The following SEC23A variants were observed in gnomAD, a reference collection of about 807,000 sequenced individuals.
The protein encoded by SEC23A is protein transport protein Sec23A.
SEC23A carries 56 observed loss-of-function variants against 103.7 expected under a neutral mutation model. The observed-to-expected ratio is 0.54, with a 90% CI of 0.44 to 0.67. The LOEUF (loss-of-function observed/expected upper bound fraction) is 0.67, where lower values mean the gene tolerates loss of function less well. Ranked by LOEUF, SEC23A falls within the 30% of genes least tolerant of loss-of-function variation. The probability of loss-of-function intolerance (pLI) is 0.00; values close to 1 mark genes in which losing one functional copy is unlikely to be tolerated. For synonymous variants in SEC23A, 281 were observed against 293.0 expected, an observed-to-expected ratio of 0.96 and a Z score of 0.42; for missense variants, 784 against 936.4, an observed-to-expected ratio of 0.84 and a Z score of 2.12.
chr14:39,063,433 C>G lies in SEC23A; in HGVS notation c.1309-20G>C. The G allele has an allele frequency of 6.9e-7, 1 of 1,455,662 alleles. No individual in the cohort carries two copies. The highest frequency in any genetic ancestry group is 1.1e-5 in the South Asian group (1 of 87,056). The allele number at this position is 1,455,662 out of a possible 1,614,324, so 90.2% of individuals were successfully genotyped here. A position where few individuals can be genotyped will look rare whatever the true frequency, so the allele number is the denominator to read the frequency against. The stretch of plus-strand genomic sequence containing the variant: ...TATCTCCTGTAAAAATAAAATATAG[C>G]ATGTTTGAAAGCTAGAGACACAATT... On this transcript the variant is annotated intron_variant, in intron 11 of 19. Coordinates refer to ENST00000307712, the MANE Select transcript of SEC23A (RefSeq NM_006364.4).
chr14:39,093,531 C>T (rs529715852), intron 2 of SEC23A, among the ~76,000 whole-genome samples: 27 of 152,170 alleles, frequency 1.8e-4, no homozygotes, highest in Non-Finnish European at 3.1e-4. Flanking sequence ...AGGCCTGAGG[C>T]GGCAGATGGC....
chr14:39,066,279 A>G (rs1003988776), intron 10 of SEC23A, among the ~76,000 whole-genome samples: 2 of 152,120 alleles, frequency 1.3e-5, no homozygotes, highest in Non-Finnish European at 2.9e-5. Context: ...CAAGCATTCA[A>G]TAAAACAAGA....
At chr14:39,100,416 C>CT (rs11427769) in intron 1 of SEC23A, among the ~76,000 whole-genome samples, 140,799 of 143,964 alleles carry the variant, frequency 0.98, 68,855 homozygotes, top group East Asian at 0.99. Flanking sequence ...GCCAACTTAA[C>CT]TTTTTTTTTT....
chr14:39,091,106 C>G, intron 5 of SEC23A: 1 of 398,390 alleles, frequency 2.5e-6, no homozygotes, highest in Admixed American at 3.5e-5. Context: ...GACTAAACCT[C>G]TTTTATAACA....
chr14:39,069,649 A>G (rs1182034605), intron 9 of SEC23A, among the ~76,000 whole-genome samples: 1 of 151,890 alleles, frequency 6.6e-6, no homozygotes, highest in African/African-American at 2.4e-5. Context: ...TGGTAGAGAC[A>G]GGGTTTCACC....
intron 12 of SEC23A, 144 bp downstream of exon 12, chr14:39,063,180 C>T (rs867898498): frequency 2.7e-5 from 15 of 562,670 alleles, no homozygotes; most frequent in South Asian, 5.2e-5. Context: ...AAATAAAAAA[C>T]GACAAATATA....
intron 13 of SEC23A, among the ~76,000 whole-genome samples, chr14:39,061,439 A>G (rs907238073): frequency 5.3e-5 from 8 of 152,022 alleles, no homozygotes; most frequent in Admixed American, 5.2e-4. Context: ...TTACTGTGCT[A>G]TATCATTTAT....
chr14:39,064,843 T>C (rs912244740), intron 11 of SEC23A, 70 bp downstream of exon 11: 14 of 1,102,698 alleles, frequency 1.3e-5, no homozygotes, highest in Admixed American at 5.1e-5. Flanking sequence ...GCTTCCCAAG[T>C]ACCTGGGATT....
At position 39,091,733 on chromosome 14, in the gene SEC23A, A is replaced by G; in HGVS notation, c.367-20T>C. The stretch of plus-strand genomic sequence containing the variant: ...ACCACGCTTTTAAAAAATTCACCAA[A>G]AAGAAAAAATATGTAGTTTAAAGCA... On this transcript the variant is annotated intron_variant, in intron 4 of 19. Coordinates refer to ENST00000307712, the MANE Select transcript of SEC23A (RefSeq NM_006364.4). The G allele has an allele frequency of 6.4e-7, 1 of 1,551,756 alleles. No individual in the cohort carries two copies. Among genetic ancestry groups the G allele is most frequent in the Non-Finnish European group, 8.9e-7 (1 of 1,123,388 alleles).
chr14:39,074,923 C>A (rs532422085), intron 8 of SEC23A, among the ~76,000 whole-genome samples: 1 of 151,976 alleles, frequency 6.6e-6, no homozygotes, highest in Non-Finnish European at 1.5e-5. Context: ...CTGGCAAACA[C>A]GGTGAAACCC....
chr14:39,087,074 CATGTATAAAATGCT>C, intron 5 of SEC23A, 66 bp from the exon 6 acceptor site: 2 of 968,412 alleles, frequency 2.1e-6, no homozygotes, highest in South Asian at 2.6e-5. Flanking sequence ...AACTATTTAT[CATGTATAAAATGCT>C]GTGCTAGACA....
intron 7 of SEC23A, among the ~76,000 whole-genome samples, chr14:39,078,309 A>T (rs1887109906): frequency 6.6e-6 from 1 of 152,188 alleles, no homozygotes; most frequent in Non-Finnish European, 1.5e-5. Context: ...TGCAAGCAGT[A>T]GATCAGAAAT....
chr14:39,057,512 G>A (rs545322535), intron 13 of SEC23A, among the ~76,000 whole-genome samples: 120 of 152,078 alleles, frequency 7.9e-4, no homozygotes, highest in Admixed American at 1.1e-3. Context: ...CTACAGGCAC[G>A]GACCACCATG....
In SEC23A at chr14:39,103,134, C is replaced by A. The variant is rs575080952; in HGVS notation, c.-124G>T. On this transcript the variant is annotated 5_prime_UTR_variant, in exon 1 of 20. Coordinates refer to ENST00000307712, the MANE Select transcript of SEC23A (RefSeq NM_006364.4). ...TGCAAAATCTGTCCTCTCCGCCCAG[C>A]AGGAGCAGTCCGTGGCACCGCAATC... 2 of 152,234 alleles carry A rather than the reference C, an allele frequency of 1.3e-5. No individual in the cohort carries two copies. Among genetic ancestry groups the A allele is most frequent in the African/African-American group, 4.8e-5 (2 of 41,444 alleles). The allele number at this position is 152,234 out of a possible 1,614,324, so 9.4% of individuals were successfully genotyped here. A position where few individuals can be genotyped will look rare whatever the true frequency, so the allele number is the denominator to read the frequency against.
chr14:39,033,388 CACAA>C, intron 19 of SEC23A, 60 bp from the exon 20 acceptor site: 1 of 1,109,290 alleles, frequency 9.0e-7, no homozygotes, highest in Non-Finnish European at 1.4e-6. Context: ...GGAATTTATA[CACAA>C]ATGTTTAAAA....
rs550790762 is a variant in SEC23A at position 39,055,061 on chromosome 14, C to T, written c.1659+82G>A. On this transcript the variant is annotated intron_variant, in intron 14 of 19. Coordinates refer to ENST00000307712, the MANE Select transcript of SEC23A (RefSeq NM_006364.4). Reference sequence around the variant, plus strand: ...AGTATTTCAGATACACTGTTAAGTACTTTGAAAGAGATTATCTGCAACAAA... The same window carrying T: ...AGTATTTCAGATACACTGTTAAGTATTTTGAAAGAGATTATCTGCAACAAA... 1.2e-5 allele frequency: 18 copies of T among 1,541,338 alleles called. No individual in the cohort carries two copies. In the East Asian group the frequency reaches 3.6e-4, roughly 31 times the overall value.
At chr14:39,087,501 G>T in intron 5 of SEC23A, 1 of 169,946 alleles carries the variant, frequency 5.9e-6, no homozygotes, top group Non-Finnish European at 1.3e-5. Flanking sequence ...GTTAGGACTT[G>T]GGGAGTTATA....
chr14:39,035,410 CT>C (rs1183592039), intron 19 of SEC23A, among the ~76,000 whole-genome samples: 5 of 151,978 alleles, frequency 3.3e-5, no homozygotes, highest in East Asian at 3.8e-4. Flanking sequence ...TAAGAAGTGA[CT>C]TTTTTTTCCA....
intron 19 of SEC23A, among the ~76,000 whole-genome samples, chr14:39,037,311 C>T (rs141666560): frequency 3.9e-4 from 60 of 152,150 alleles, no homozygotes; most frequent in African/African-American, 1.3e-3. Flanking sequence ...CTAAACCAAA[C>T]AATTTCTCTC....
Sources: allele counts gnomAD v4.1 joint callset (sites outside exome capture counted in the v4.1 genomes callset), GRCh38; gene constraint gnomAD v4.1.1; transcripts MANE v1.5; gene names NCBI Gene and HGNC (gene_info 2026-07-23, HGNC 2026-07-21).